TSPAN15: variants seen among roughly 807,000 people sequenced by gnomAD.
The protein encoded by TSPAN15 is tetraspanin 15.
A neutral mutation model predicts 34.5 loss-of-function variants in TSPAN15; 20 were observed. The ratio of observed to expected loss-of-function variants is 0.58; its 90% CI spans 0.41 to 0.84. The LOEUF (loss-of-function observed/expected upper bound fraction) is 0.84, where lower values mean the gene tolerates loss of function less well. Ranked by LOEUF, TSPAN15 falls within the 40% of genes least tolerant of loss-of-function variation. TSPAN15 has a pLI of 0.00. For synonymous variants in TSPAN15, 155 were observed against 153.9 expected (o/e 1.01, Z -0.05); for missense variants, 313 against 386.1 (o/e 0.81, Z 1.59).
chr10:69,488,753 T>C lies in TSPAN15; in HGVS notation c.357+3538T>C, dbSNP rs536051908. On this transcript the variant is annotated intron_variant, in intron 3 of 7. Coordinates refer to ENST00000373290, the MANE Select transcript of TSPAN15 (RefSeq NM_012339.5). Reference sequence around the variant, plus strand: ...CAGGGAGTAGGTCACAAAGATCACATGCTTCAAAGGGCAAAAAGGAAAACA... The same window carrying C: ...CAGGGAGTAGGTCACAAAGATCACACGCTTCAAAGGGCAAAAAGGAAAACA... 1.3e-4 allele frequency among the ~76,000 whole-genome samples: 20 copies of C among 152,202 alleles called. No homozygotes were observed. In the South Asian group the frequency reaches 2.5e-3, roughly 19 times the overall value.
At chr10:69,487,172 C>T (rs1006693161) in intron 3 of TSPAN15, among the ~76,000 whole-genome samples, 6 of 151,682 alleles carry the variant, frequency 4.0e-5, no homozygotes, top group East Asian at 2.0e-4. Flanking sequence ...GAATCTCCAC[C>T]AGCCCGTGAC....
chr10:69,451,487 G>C lies in TSPAN15; in HGVS notation c.-108G>C. On this transcript the variant is annotated 5_prime_UTR_variant, in exon 1 of 8. Transcript: ENST00000373290. ...AGTGTCAGTCCCGGAGAGAACGCCG[G>C]TGGCGGGGCTGGTAGCCCGGCAGCC... 1 of 1,283,776 alleles carries C rather than the reference G, an allele frequency of 7.8e-7. No homozygotes were observed. The highest frequency in any genetic ancestry group is 9.9e-7 in the Non-Finnish European group (1 of 1,014,562). The allele number at this position is 1,283,776 out of a possible 1,614,324, so 79.5% of individuals were successfully genotyped here. A position where few individuals can be genotyped will look rare whatever the true frequency, so the allele number is the denominator to read the frequency against.
intron 1 of TSPAN15, among the ~76,000 whole-genome samples, chr10:69,472,725 A>C (rs771270284): frequency 6.6e-6 from 1 of 152,188 alleles, no homozygotes; most frequent in African/African-American, 2.4e-5. Flanking sequence ...AAGAAGTAAC[A>C]TTTACTGAGC....
intron 3 of TSPAN15, among the ~76,000 whole-genome samples, chr10:69,491,716 C>T (rs57048045): frequency 0.04 from 6,055 of 152,298 alleles, 384 homozygotes; most frequent in African/African-American, 0.13. Context: ...AGGGCCTTCC[C>T]AGCCTCAGGT....
chr10:69,518,069 T>C, the TSPAN15 span, among the ~76,000 whole-genome samples: 1 of 152,236 alleles, frequency 6.6e-6, no homozygotes, highest in Non-Finnish European at 1.5e-5. Flanking sequence ...AGAATATGTG[T>C]ACTTCAGGCT....
At chr10:69,463,209 G>A (rs528306425) in intron 1 of TSPAN15, among the ~76,000 whole-genome samples, 1 of 152,318 alleles carries the variant, frequency 6.6e-6, no homozygotes, top group African/African-American at 2.4e-5. Flanking sequence ...TTGTGGGGTG[G>A]CCTGTGATAA....
At chr10:69,511,750 C>A (rs1416267755), downstream of TSPAN15, among the ~76,000 whole-genome samples, 1 of 152,156 alleles carries the variant, frequency 6.6e-6, no homozygotes, top group Non-Finnish European at 1.5e-5. Flanking sequence ...TTTGCTGTGT[C>A]CCAGAGACCC....
At chr10:69,516,456 G>A in the TSPAN15 span, among the ~76,000 whole-genome samples, 3 of 152,216 alleles carry the variant, frequency 2.0e-5, no homozygotes, top group African/African-American at 7.2e-5. Flanking sequence ...ACCAGAGGGA[G>A]GCCTCGGTCT....
chr10:69,543,169 T>C, the TSPAN15 span, among the ~76,000 whole-genome samples: 1 of 152,270 alleles, frequency 6.6e-6, no homozygotes, highest in South Asian at 2.1e-4. Flanking sequence ...GCCAGAAGAA[T>C]GCATTCGTCT....
chr10:69,527,257 C>T, the TSPAN15 span, among the ~76,000 whole-genome samples: 1 of 147,790 alleles, frequency 6.8e-6, no homozygotes, highest in Non-Finnish European at 1.5e-5. Flanking sequence ...TCTTGGGCCA[C>T]ACATAAAATA....
At chr10:69,463,801 T>TC (rs1390324099) in intron 1 of TSPAN15, among the ~76,000 whole-genome samples, 1 of 128,966 alleles carries the variant, frequency 7.8e-6, no homozygotes, top group Non-Finnish European at 1.6e-5. Flanking sequence ...AGAGTGAGAC[T>TC]CCGTCTCAAA....
the TSPAN15 span, among the ~76,000 whole-genome samples, chr10:69,539,875 AC>A: frequency 1.4e-4 from 22 of 152,040 alleles, no homozygotes; most frequent in African/African-American, 5.3e-4. Flanking sequence ...ACCCAGAAAC[AC>A]ATATATCACT....
intron 1 of TSPAN15, among the ~76,000 whole-genome samples, chr10:69,477,049 G>A (rs1407128764): frequency 6.6e-6 from 1 of 152,162 alleles, no homozygotes; most frequent in African/African-American, 2.4e-5. Context: ...CCCTGGGGAT[G>A]TGGGAGAGAA....
At chr10:69,534,228 T>G in the TSPAN15 span, among the ~76,000 whole-genome samples, 1 of 152,134 alleles carries the variant, frequency 6.6e-6, no homozygotes, top group African/African-American at 2.4e-5. Flanking sequence ...AAAGGTGACT[T>G]TTAAGTACAA....
the TSPAN15 span, among the ~76,000 whole-genome samples, chr10:69,542,156 A>G: frequency 6.6e-6 from 1 of 152,168 alleles, no homozygotes; most frequent in Admixed American, 6.5e-5. Context: ...AAATTTCCAC[A>G]GATCTCTAGG....
intron 1 of TSPAN15, among the ~76,000 whole-genome samples, chr10:69,461,325 T>C (rs1184659984): frequency 6.6e-6 from 1 of 152,234 alleles, no homozygotes; most frequent in Non-Finnish European, 1.5e-5. Flanking sequence ...AAAGGGACTT[T>C]CTCGCCAAGA....
At chr10:69,491,189 G>A (rs1447129316) in intron 3 of TSPAN15, among the ~76,000 whole-genome samples, 1 of 152,180 alleles carries the variant, frequency 6.6e-6, no homozygotes, top group African/African-American at 2.4e-5. Context: ...GGTCCCCTGG[G>A]TTCTCTTCCA....
the TSPAN15 span, among the ~76,000 whole-genome samples, chr10:69,546,309 C>A: frequency 6.6e-6 from 1 of 152,152 alleles, no homozygotes; most frequent in Non-Finnish European, 1.5e-5. Context: ...TGCAGTTTGG[C>A]AGTGTTGACC....
At chr10:69,483,437 G>C (rs1266196216) in intron 1 of TSPAN15, among the ~76,000 whole-genome samples, 2 of 152,140 alleles carry the variant, frequency 1.3e-5, no homozygotes, top group Non-Finnish European at 2.9e-5. Flanking sequence ...GGCCACCTTA[G>C]TGACCTCATT....
Sources: gnomAD v4.1 joint callset for allele counts (sites outside exome capture counted in the v4.1 genomes callset) on GRCh38, gnomAD v4.1.1 for gene constraint, MANE v1.5 for transcripts, NCBI Gene and HGNC (gene_info 2026-07-23, HGNC 2026-07-21) for gene names.